DCAF12: variants seen among roughly 807,000 people sequenced by gnomAD.
The protein encoded by DCAF12 is DDB1- and CUL4-associated factor 12.
DCAF12 carries 28 observed loss-of-function variants against 52.8 expected under a neutral mutation model. That is an observed-to-expected ratio of 0.53 (90% CI 0.39 to 0.73). The LOEUF is 0.73. Among genes scored for constraint, DCAF12 ranks in the 30% least tolerant of loss-of-function variants. DCAF12 has a pLI of 0.00. For missense variants in DCAF12, 425 were observed against 552.2 expected (o/e 0.77, Z 2.31); for synonymous variants, 196 against 215.5 (o/e 0.91, Z 0.79).
At position 34,089,422 on chromosome 9, in the gene DCAF12, T is replaced by C. The variant is rs965006514; in HGVS notation, c.1193A>G (p.Lys398Arg). ...TAGGGGCTTACGCACCAGCCAGCCT[T>C]TGCCAGTGGTTAGTTTCAGATTCTC... ...AGENLKLTTGKGWLNHDETWR... is the reference protein window; with the variant it reads ...AGENLKLTTGRGWLNHDETWR... The change falls in exon 8 of 9, where the codon AAA becomes AGA. Residue 398 changes from lysine to arginine, a missense_variant. By Grantham distance (26) the Lys-to-Arg change is conservative. Coordinates refer to ENST00000361264, the MANE Select transcript of DCAF12 (RefSeq NM_015397.4). 2.5e-6 allele frequency: 4 copies of C among 1,612,950 alleles called. No individual in the cohort carries two copies. In the South Asian group the frequency reaches 4.4e-5, roughly 18 times the overall value.
intron 7 of DCAF12, among the ~76,000 whole-genome samples, chr9:34,090,389 G>A (rs1828625169): frequency 6.6e-6 from 1 of 151,936 alleles, no homozygotes; most frequent in South Asian, 2.1e-4. Flanking sequence ...TCTAGTATTA[G>A]GTGTTTTGAG....
intron 4 of DCAF12, among the ~76,000 whole-genome samples, chr9:34,102,298 T>C (rs1828841128): frequency 2.0e-5 from 3 of 149,864 alleles, no homozygotes; most frequent in African/African-American, 7.3e-5. Flanking sequence ...AAAAAAAGAA[T>C]AATGACTGTT....
At position 34,088,382 on chromosome 9, in the gene DCAF12, G is replaced by T; in HGVS notation, c.1330C>A (p.Leu444Ile). ...CAGAGCCCAGCATAGTTTCCATGGAGCCCTGAAGGGAGGGGACCTCCTGCC... is the reference window on the plus strand; with the variant it reads ...CAGAGCCCAGCATAGTTTCCATGGATCCCTGAAGGGAGGGGACCTCCTGCC... ...FVAGGPLPSG[L>I]HGNYAGLWS The change falls in exon 9 of 9, where the codon CTC becomes ATC. Residue 444 changes from leucine (L) to isoleucine (I), a missense_variant. Leu to Ile is a conservative substitution (Grantham distance 5, BLOSUM62 2). Transcript: ENST00000361264. 1 of 1,610,722 alleles carries T rather than the reference G, an allele frequency of 6.2e-7. No homozygotes were observed. Among genetic ancestry groups the T allele is most frequent in the South Asian group, 1.1e-5 (1 of 90,618 alleles).
Position 34,110,984 on chromosome 9 carries a change from TG to T in DCAF12, c.334-3420del, listed in dbSNP as rs1828993043. On this transcript the variant is annotated intron_variant, in intron 2 of 8. Coordinates refer to ENST00000361264, the MANE Select transcript of DCAF12 (RefSeq NM_015397.4). ...CAGAAATGATTCTCCTATTCTTTTC[TG>T]TTTTTTTTTTTTTTTTTTGAGACCA... Among the ~76,000 whole-genome samples the T allele has an allele frequency of 5.1e-5, 7 of 137,548 alleles. No homozygotes were observed. The South Asian group carries it at 1.6e-3, about 32-fold the overall frequency. The allele number at this position is 137,548 out of a possible 152,430, so 90.2% of individuals were successfully genotyped here. A position where few individuals can be genotyped will look rare whatever the true frequency, so the allele number is the denominator to read the frequency against.
intron 4 of DCAF12, among the ~76,000 whole-genome samples, chr9:34,104,162 G>C (rs942051035): frequency 6.6e-6 from 1 of 152,078 alleles, no homozygotes. Flanking sequence ...CTACTTGGGA[G>C]GCCGAGGCAA....
Position 34,125,056 on chromosome 9 carries a change from A to G in DCAF12, c.300T>C (p.His100=), listed in dbSNP as rs537207076. The change falls in exon 2 of 9, where the codon CAT becomes CAC. Residue 100 remains histidine, a synonymous_variant. Transcript: ENST00000361264. ...NKVFASQWLN[H]RQVVCGTKCN... The stretch of plus-strand genomic sequence containing the variant: ...ATTTTGTGCCACACACCACTTGCCT[A>G]TGATTCAACCACTGAGATGCAAACA... 5 of 1,613,796 alleles carry G rather than the reference A, an allele frequency of 3.1e-6. No homozygotes were observed. In the South Asian group the frequency reaches 4.4e-5, roughly 14 times the overall value.
chr9:34,096,874 ATTC>A, intron 5 of DCAF12, 93 bp from the exon 6 acceptor site: 1 of 1,174,620 alleles, frequency 8.5e-7, no homozygotes, highest in Non-Finnish European at 1.2e-6. Flanking sequence ...AGGGTCCTTT[ATTC>A]CTGTCTCGTG....
rs1829253395 is a variant in DCAF12, at chr9:34,126,502, C to CAT, written c.-73_-72dup. 1 of 1,532,310 alleles carries CAT rather than the reference C, an allele frequency of 6.5e-7. No homozygotes were observed. Among genetic ancestry groups the CAT allele is most frequent in the Non-Finnish European group, 8.8e-7 (1 of 1,141,308 alleles). 94.9% of individuals were successfully genotyped at this position (1,532,310 alleles called of 1,614,324 possible). A position where few individuals can be genotyped will look rare whatever the true frequency, so the allele number is the denominator to read the frequency against. On this transcript the variant is annotated 5_prime_UTR_variant, in exon 1 of 9. It adds an upstream start codon to the 5' untranslated region. Transcript: ENST00000361264. ...AGCGAAGGATAGCAGGACGGCGGGT[C>CAT]ATATACTGGGCCCCGGGGCCGCGCA... is the stretch of plus-strand genomic sequence containing the variant.
chr9:34,106,839 C>T (rs1194367187), intron 3 of DCAF12, among the ~76,000 whole-genome samples: 2 of 152,158 alleles, frequency 1.3e-5, no homozygotes, highest in Non-Finnish European at 1.5e-5. Context: ...CCTGCTCAAG[C>T]GTCATCCTAT....
chr9:34,098,734 CTT>C (rs1828779414), intron 4 of DCAF12, among the ~76,000 whole-genome samples: 1 of 152,196 alleles, frequency 6.6e-6, no homozygotes, highest in South Asian at 2.1e-4. Flanking sequence ...TAAAATATAA[CTT>C]TTAAGTTTGA....
chr9:34,093,208 G>T, intron 7 of DCAF12, 78 bp downstream of exon 7: 1 of 1,562,596 alleles, frequency 6.4e-7, no homozygotes, highest in South Asian at 1.1e-5. Flanking sequence ...TACCTGTTTG[G>T]AAACCAACAA....
At chr9:34,091,639 CAAAAAAAAAA>C (rs34922785) in intron 7 of DCAF12, among the ~76,000 whole-genome samples, 9 of 80,516 alleles carry the variant, frequency 1.1e-4, no homozygotes, top group Non-Finnish European at 1.8e-4. Context: ...ACCCTGTCTT[CAAAAAAAAAA>C]AAAAAAAAAA....
intron 2 of DCAF12, chr9:34,109,798 A>C (rs1407306407): frequency 2.9e-6 from 1 of 346,874 alleles, no homozygotes; most frequent in Non-Finnish European, 6.0e-6. Context: ...GTGGCTCAGG[A>C]CACCATAGGT....
At chr9:34,089,731 T>C (rs1396019558) in intron 7 of DCAF12, 141 bp from the exon 8 acceptor site, 2 of 728,470 alleles carry the variant, frequency 2.7e-6, no homozygotes, top group African/African-American at 3.6e-5. Flanking sequence ...AGACAGTGTT[T>C]TCCCAATGGC....
intron 4 of DCAF12, among the ~76,000 whole-genome samples, chr9:34,102,538 A>C (rs913192848): frequency 6.6e-6 from 1 of 152,020 alleles, no homozygotes; most frequent in Non-Finnish European, 1.5e-5. Context: ...CTGTAATCCC[A>C]GATACTTAGG....
chr9:34,097,533 G>C (rs1351048156), intron 5 of DCAF12, among the ~76,000 whole-genome samples: 4 of 151,996 alleles, frequency 2.6e-5, no homozygotes, highest in African/African-American at 9.7e-5. Flanking sequence ...AGGGATTACA[G>C]GCGTGAGTCA....
At chr9:34,095,730 T>G (rs1169212552) in intron 6 of DCAF12, 5 of 152,086 alleles carry the variant, frequency 3.3e-5, no homozygotes, top group African/African-American at 1.2e-4. Context: ...CAATTTGTAT[T>G]GTAAATTAAG....
At chr9:34,101,137 T>A (rs1828823223) in intron 4 of DCAF12, among the ~76,000 whole-genome samples, 3 of 149,848 alleles carry the variant, frequency 2.0e-5, no homozygotes, top group Admixed American at 6.7e-5. Flanking sequence ...AATAACATGA[T>A]TATGGCTCAT....
At chr9:34,093,176 A>G (rs1450051458) in intron 7 of DCAF12, 110 bp downstream of exon 7, 5 of 1,373,834 alleles carry the variant, frequency 3.6e-6, no homozygotes, top group South Asian at 1.3e-5. Context: ...ACACACTTCC[A>G]AATGTTCCAT....
Sources: gnomAD v4.1 joint callset for allele counts (sites outside exome capture counted in the v4.1 genomes callset) on GRCh38, gnomAD v4.1.1 for gene constraint, MANE v1.5 for transcripts, NCBI Gene and HGNC (gene_info 2026-07-23, HGNC 2026-07-21) for gene names.